PDXP: variants seen among roughly 807,000 people sequenced by gnomAD.
PDXP encodes chronophin.
Under a neutral mutation model 14.4 loss-of-function variants are expected in PDXP, and 15 were observed. The observed-to-expected ratio is 1.04, with a 90% CI of 0.70 to 1.60. PDXP has a LOEUF of 1.60. PDXP is among the 40% of genes most tolerant of loss of function. PDXP has a pLI of 0.00. For missense variants in PDXP, 413 were observed against 427.6 expected (o/e 0.97, Z 0.30); for synonymous variants, 233 against 205.6 (o/e 1.13, Z -1.14).
In PDXP at chr22:37,658,750, C is replaced by T. The variant is rs976546493; in HGVS notation, c.-33C>T. ...GAGCGCGCCGTGCCCGCGGAGAGAGCGCGGCGCGGGAGGCCGGCGGCCGGC... is the reference window on the plus strand; with the variant it reads ...GAGCGCGCCGTGCCCGCGGAGAGAGTGCGGCGCGGGAGGCCGGCGGCCGGC... On this transcript the variant is annotated 5_prime_UTR_variant, in exon 1 of 2. Coordinates refer to ENST00000215904, the MANE Select transcript of PDXP (RefSeq NM_020315.5). 7 of 1,125,858 alleles carry T rather than the reference C, an allele frequency of 6.2e-6. No homozygotes were observed. In the African/African-American group the frequency reaches 9.9e-5, roughly 16 times the overall value. 69.7% of individuals were successfully genotyped at this position (1,125,858 alleles called of 1,614,324 possible).
At chr22:37,664,360 G>A (rs1921000808) in intron 1 of PDXP, among the ~76,000 whole-genome samples, 1 of 151,940 alleles carries the variant, frequency 6.6e-6, no homozygotes. Flanking sequence ...TTCCCAAAGT[G>A]CTGGGATTAC....
intron 1 of PDXP, among the ~76,000 whole-genome samples, chr22:37,660,255 AT>A: frequency 6.6e-6 from 1 of 152,330 alleles, no homozygotes; most frequent in Middle Eastern, 3.4e-3. Flanking sequence ...AAGAACAGAT[AT>A]AGTGAGCCCC....
intron 1 of PDXP, 49 bp from the exon 2 acceptor site, chr22:37,665,506 A>G (rs1335891551): frequency 1.4e-6 from 2 of 1,461,138 alleles, no homozygotes; most frequent in Middle Eastern, 1.8e-4. Context: ...TCAGGGCCTG[A>G]CGCTGTCCCT....
At chr22:37,663,010 A>G (rs905426970) in intron 1 of PDXP, among the ~76,000 whole-genome samples, 7 of 140,080 alleles carry the variant, frequency 5.0e-5, no homozygotes, top group Non-Finnish European at 1.1e-4. Flanking sequence ...TAAATAAAAG[A>G]TTACCATGGG....
At chr22:37,664,309 G>A (rs1414990234) in intron 1 of PDXP, among the ~76,000 whole-genome samples, 1 of 151,754 alleles carries the variant, frequency 6.6e-6, no homozygotes, top group Non-Finnish European at 1.5e-5. Context: ...TGCCCAGGCT[G>A]GTCTTGAACT....
chr22:37,659,003 G>A lies in PDXP; in HGVS notation c.221G>A (p.Arg74His). The A allele has an allele frequency of 8.4e-7, 1 of 1,195,722 alleles. No individual in the cohort carries two copies. The highest frequency in any genetic ancestry group is 3.1e-5 in the South Asian group (1 of 31,792). The allele number at this position is 1,195,722 out of a possible 1,614,324, so 74.1% of individuals were successfully genotyped here. The change falls in exon 1 of 2, where the codon CGC becomes CAC. Residue 74 changes from arginine to histidine, a missense_variant. By Grantham distance (29) the Arg-to-His change is conservative. Coordinates refer to ENST00000215904, the MANE Select transcript of PDXP (RefSeq NM_020315.5). ...ARPELALRFARLGFGGLRAEQ... is the reference protein window; with the variant it reads ...ARPELALRFAHLGFGGLRAEQ... ...CCCGAGCTGGCCCTGCGCTTCGCGC[G>A]CCTCGGCTTCGGGGGGCTGCGCGCC...
Position 37,658,736 on chromosome 22 carries a change from G to A in PDXP, c.-47G>A. 1.8e-6 allele frequency: 2 copies of A among 1,107,320 alleles called. No homozygotes were observed. Among genetic ancestry groups the A allele is most frequent in the Non-Finnish European group, 1.1e-6 (1 of 897,560 alleles). 68.6% of individuals were successfully genotyped at this position (1,107,320 alleles called of 1,614,324 possible). A position where few individuals can be genotyped will look rare whatever the true frequency, so the allele number is the denominator to read the frequency against. On this transcript the variant is annotated 5_prime_UTR_variant, in exon 1 of 2. Transcript: ENST00000215904. ...GAACGTGCCAGGGAGAGCGCGCCGT[G>A]CCCGCGGAGAGAGCGCGGCGCGGGA...
rs916079813 is a variant in PDXP at position 37,659,153 on chromosome 22, C to T, written c.371C>T (p.Ala124Val). Residue 124 changes from alanine (A) to valine (V), a missense_variant, in exon 1 of 2, where the codon GCC becomes GTC. Ala to Val is a moderately conservative substitution (Grantham distance 64, BLOSUM62 0). Transcript: ENST00000215904. ...GGEGLRAELR[A>V]AGLRLAGDPS... ...GAGGGGCTGCGCGCCGAGCTGCGCG[C>T]CGCGGGGCTGCGCCTGGCCGGGGAC... 5 of 1,048,040 alleles carry T rather than the reference C, an allele frequency of 4.8e-6. No homozygotes were observed. Among genetic ancestry groups the T allele is most frequent in the South Asian group, 4.4e-5 (1 of 22,764 alleles). 64.9% of individuals were successfully genotyped at this position (1,048,040 alleles called of 1,614,324 possible).
chr22:37,663,427 C>A (rs1920983456), intron 1 of PDXP, among the ~76,000 whole-genome samples: 1 of 151,960 alleles, frequency 6.6e-6, no homozygotes, highest in South Asian at 2.1e-4. Flanking sequence ...TAATCTCAAA[C>A]TCCTGGGCTC....
chr22:37,659,755 C>T (rs750108127), intron 1 of PDXP, among the ~76,000 whole-genome samples: 2 of 152,138 alleles, frequency 1.3e-5, no homozygotes, highest in East Asian at 1.9e-4. Flanking sequence ...GACCTCAGTT[C>T]CAGGTCCAGC....
chr22:37,659,863 G>C (rs1227338847), intron 1 of PDXP, among the ~76,000 whole-genome samples: 1 of 152,224 alleles, frequency 6.6e-6, no homozygotes, highest in Non-Finnish European at 1.5e-5. Flanking sequence ...CGGTGACGGT[G>C]ATCAGGGTGA....
chr22:37,664,531 T>A (rs1017986922), intron 1 of PDXP, among the ~76,000 whole-genome samples: 3 of 152,248 alleles, frequency 2.0e-5, no homozygotes, highest in African/African-American at 4.8e-5. Flanking sequence ...CTTATGAAGC[T>A]GTACAACCCT....
rs897458816 is a variant in PDXP at position 37,659,132 on chromosome 22, G to GGCTGCGCGCCGA, written c.362_373dup (p.Glu121_Ala124dup). On this transcript the variant is annotated inframe_insertion, in exon 1 of 2. Transcript: ENST00000215904. Reference sequence around the variant, plus strand: ...GCCGTGTTCGTGCTGGGCGGCGAGGGGCTGCGCGCCGAGCTGCGCGCCGCG... The same window carrying GGCTGCGCGCCGA: ...GCCGTGTTCGTGCTGGGCGGCGAGGGGCTGCGCGCCGAGCTGCGCGCCGAGCTGCGCGCCGCG... 1.3e-5 allele frequency: 13 copies of GGCTGCGCGCCGA among 1,017,546 alleles called. No individual in the cohort carries two copies. The highest frequency in any genetic ancestry group is 4.4e-5 in the South Asian group (1 of 22,474). The allele number at this position is 1,017,546 out of a possible 1,614,324, so 63.0% of individuals were successfully genotyped here.
chr22:37,660,565 G>A (rs931080806), intron 1 of PDXP, among the ~76,000 whole-genome samples: 23 of 152,238 alleles, frequency 1.5e-4, no homozygotes, highest in East Asian at 7.7e-4. Context: ...GAGGGTTTGC[G>A]TTAGACAAGA....
In PDXP at chr22:37,658,767, G is replaced by C. The variant is rs1201799267; in HGVS notation, c.-16G>C. ...GGAGAGAGCGCGGCGCGGGAGGCCG[G>C]CGGCCGGCCGGCTGCATGGCGCGCT... On this transcript the variant is annotated 5_prime_UTR_variant, in exon 1 of 2. Transcript: ENST00000215904. The C allele has an allele frequency of 8.6e-7, 1 of 1,160,498 alleles. No individual in the cohort carries two copies. The highest frequency in any genetic ancestry group is 4.1e-5 in the East Asian group (1 of 24,644). 71.9% of individuals were successfully genotyped at this position (1,160,498 alleles called of 1,614,324 possible). A position where few individuals can be genotyped will look rare whatever the true frequency, so the allele number is the denominator to read the frequency against.
intron 1 of PDXP, chr22:37,665,236 T>G: frequency 1.2e-5 from 5 of 406,726 alleles, no homozygotes; most frequent in East Asian, 4.5e-5. Flanking sequence ...CCAGGCCCTG[T>G]TTACCTGCAG....
chr22:37,659,452 T>G, intron 1 of PDXP, 96 bp downstream of exon 1: 5 of 980,250 alleles, frequency 5.1e-6, no homozygotes, highest in Non-Finnish European at 6.7e-6. Context: ...CGTCTCCAGG[T>G]GGCAGGTGGG....
At position 37,665,710 on chromosome 22, in the gene PDXP, A is replaced by T. The variant is rs1203350082; in HGVS notation, c.730A>T (p.Ile244Phe). Reference sequence around the variant, plus strand: ...GGTGGGTGACCGCCTGGAGACCGACATCCTCTTTGGCCACCGCTGCGGCAT... The same window carrying T: ...GGTGGGTGACCGCCTGGAGACCGACTTCCTCTTTGGCCACCGCTGCGGCAT... Reference protein sequence around the residue: ...LMVGDRLETDILFGHRCGMTT... With the variant: ...LMVGDRLETDFLFGHRCGMTT... Residue 244 changes from isoleucine to phenylalanine, a missense_variant, in exon 2 of 2, where the codon ATC (isoleucine) becomes TTC (phenylalanine). By Grantham distance (21) the Ile-to-Phe change is conservative. Coordinates refer to ENST00000215904, the MANE Select transcript of PDXP (RefSeq NM_020315.5). The T allele has an allele frequency of 6.2e-7, 1 of 1,614,144 alleles. No homozygotes were observed. The highest frequency in any genetic ancestry group is 8.5e-7 in the Non-Finnish European group (1 of 1,180,028).
Position 37,665,814 on chromosome 22 carries a change from C to T in PDXP, c.834C>T (p.Leu278=), listed in dbSNP as rs750121433. 7 of 1,613,998 alleles carry T rather than the reference C, an allele frequency of 4.3e-6. No individual in the cohort carries two copies. Among genetic ancestry groups the T allele is most frequent in the East Asian group, 2.2e-5 (1 of 44,884 alleles). Residue 278 remains leucine (L), a synonymous_variant, in exon 2 of 2, where the codon CTC becomes CTT. Coordinates refer to ENST00000215904, the MANE Select transcript of PDXP (RefSeq NM_020315.5). ...ACCTAGCGGCCGGCCAGCACGACCT[C>T]GTGCCCCATTACTATGTGGAGAGCA... The part of the protein sequence containing the change: ...QAYLAAGQHD[L]VPHYYVESIA...
Sources: allele counts gnomAD v4.1 joint callset (sites outside exome capture counted in the v4.1 genomes callset), GRCh38; gene constraint gnomAD v4.1.1; transcripts MANE v1.5; gene names NCBI Gene and HGNC (gene_info 2026-07-23, HGNC 2026-07-21).